Variants in MGAT4C observed in about 807,000 individuals in gnomAD.
The protein encoded by MGAT4C is MGAT4 family member C, also known as alpha-1,3-mannosyl-glycoprotein 4-beta-N-acetylglucosaminyltransferase C.
A neutral mutation model predicts 40.1 loss-of-function variants in MGAT4C; 19 were observed. That is an observed-to-expected ratio of 0.47 (90% confidence interval 0.33 to 0.70). The LOEUF is 0.70. MGAT4C is among the 30% of genes least tolerant of loss of function. The pLI is 0.02. For missense variants in MGAT4C, 491 were observed against 563.2 expected, an observed-to-expected ratio of 0.87 and a Z score of 1.30; for synonymous variants, 181 against 187.1, an observed-to-expected ratio of 0.97 and a Z score of 0.27.
intron 2 of MGAT4C, among the ~76,000 whole-genome samples, chr12:86,563,014 C>A (rs1959940599): frequency 6.6e-6 from 1 of 152,044 alleles, no homozygotes; most frequent in South Asian, 2.1e-4. Flanking sequence ...GGGAGGGATC[C>A]AAAGGCTTAG....
chr12:86,651,652 C>G (rs1963701632), intron 2 of MGAT4C, among the ~76,000 whole-genome samples: 1 of 151,726 alleles, frequency 6.6e-6, no homozygotes, highest in African/African-American at 2.4e-5. Flanking sequence ...TGAAAATAGC[C>G]CATAAATGAA....
intron 2 of MGAT4C, among the ~76,000 whole-genome samples, chr12:86,510,416 G>A (rs1008528206): frequency 1.3e-5 from 2 of 152,162 alleles, no homozygotes; most frequent in Non-Finnish European, 2.9e-5. Flanking sequence ...TCGAGGCTAG[G>A]AAGAAACTGC....
intron 3 of MGAT4C, 63 bp downstream of exon 3, chr12:85,989,337 G>A (rs1459519940): frequency 4.2e-6 from 6 of 1,426,406 alleles, no homozygotes; most frequent in Non-Finnish European, 5.6e-6. Flanking sequence ...GCTACAATGG[G>A]ACTAATTCTT....
At chr12:86,006,907 T>C (rs1887944388) in intron 2 of MGAT4C, among the ~76,000 whole-genome samples, 2 of 152,148 alleles carry the variant, frequency 1.3e-5, no homozygotes, top group African/African-American at 4.8e-5. Context: ...TGTCCCCTAC[T>C]ACAAAACCCA....
At chr12:86,527,878 G>A (rs1430069318) in intron 2 of MGAT4C, among the ~76,000 whole-genome samples, 1 of 152,130 alleles carries the variant, frequency 6.6e-6, no homozygotes, top group Admixed American at 6.5e-5. Context: ...TAGCTAAAAA[G>A]TGGACTTCAT....
intron 2 of MGAT4C, among the ~76,000 whole-genome samples, chr12:86,029,856 A>G (rs1347454132): frequency 6.6e-6 from 1 of 151,858 alleles, no homozygotes; most frequent in Non-Finnish European, 1.5e-5. Flanking sequence ...ATTATTACAG[A>G]GGAGAAAGTG....
chr12:86,773,219 C>T (rs1029299712), intron 1 of MGAT4C, among the ~76,000 whole-genome samples: 2 of 152,032 alleles, frequency 1.3e-5, no homozygotes, highest in African/African-American at 4.8e-5. Context: ...AAAATGAGCT[C>T]ATTAAAGTAG....
chr12:86,611,158 A>G (rs529067871), intron 2 of MGAT4C, among the ~76,000 whole-genome samples: 1 of 152,234 alleles, frequency 6.6e-6, no homozygotes, highest in Admixed American at 6.5e-5. Flanking sequence ...ATACATTTCC[A>G]TGGCTGCCAA....
At chr12:86,768,643 C>G (rs554533888) in intron 1 of MGAT4C, among the ~76,000 whole-genome samples, 4 of 151,960 alleles carry the variant, frequency 2.6e-5, no homozygotes, top group Admixed American at 2.0e-4. Context: ...GTAACCAAAA[C>G]AGCATGGTAC....
At chr12:86,663,457 C>A (rs1565911560) in intron 2 of MGAT4C, among the ~76,000 whole-genome samples, 1 of 148,852 alleles carries the variant, frequency 6.7e-6, no homozygotes, top group Non-Finnish European at 1.5e-5. Context: ...GTAACTCAAA[C>A]ATGACAGTGC....
At chr12:86,133,487 A>T (rs1273850068) in intron 1 of MGAT4C, among the ~76,000 whole-genome samples, 1 of 152,232 alleles carries the variant, frequency 6.6e-6, no homozygotes, top group Non-Finnish European at 1.5e-5. Flanking sequence ...TTTAAAATGT[A>T]CAATAAAAGA....
intron 1 of MGAT4C, among the ~76,000 whole-genome samples, chr12:86,800,587 G>A (rs1952207456): frequency 6.6e-6 from 1 of 151,884 alleles, no homozygotes; most frequent in Non-Finnish European, 1.5e-5. Flanking sequence ...ATCAGAGGGA[G>A]TAAACCAGAG....
In MGAT4C at chr12:86,439,507, T is replaced by C. The variant is rs545645525; in HGVS notation, c.-228-4242A>G. Among the ~76,000 whole-genome samples the C allele has an allele frequency of 2.0e-5, 3 of 152,058 alleles. No individual in the cohort carries two copies. In the South Asian group the frequency reaches 6.2e-4, roughly 31 times the overall value. ...TAAGAGGAAAGTCTATAGCACTAAA[T>C]ACCTACATCAAAAAGTCTGAAAGAT... On this transcript the variant is annotated intron_variant, in intron 2 of 7. Transcript: ENST00000548651.
intron 2 of MGAT4C, among the ~76,000 whole-genome samples, chr12:86,033,872 T>C (rs1890982150): frequency 6.7e-6 from 1 of 149,806 alleles, no homozygotes; most frequent in Non-Finnish European, 1.5e-5. Flanking sequence ...ATTATGATGT[T>C]GGCTGTGGGC....
At chr12:86,047,697 CT>C (rs1892529501) in intron 2 of MGAT4C, among the ~76,000 whole-genome samples, 1 of 151,992 alleles carries the variant, frequency 6.6e-6, no homozygotes, top group South Asian at 2.1e-4. Flanking sequence ...TTCCTGAGTG[CT>C]GCCTGGAGAA....
intron 2 of MGAT4C, among the ~76,000 whole-genome samples, chr12:86,606,561 A>G (rs1962053487): frequency 6.6e-6 from 1 of 152,130 alleles, no homozygotes. Context: ...TAGAGCAGAG[A>G]ATAAGCAGCT....
At chr12:86,013,403 G>A (rs1259586872) in intron 2 of MGAT4C, among the ~76,000 whole-genome samples, 1 of 151,824 alleles carries the variant, frequency 6.6e-6, no homozygotes, top group Non-Finnish European at 1.5e-5. Flanking sequence ...CACCACGCCC[G>A]GCTAATTTCT....
At chr12:86,130,822 C>T (rs1300529611) in intron 1 of MGAT4C, among the ~76,000 whole-genome samples, 2 of 151,936 alleles carry the variant, frequency 1.3e-5, no homozygotes, top group Non-Finnish European at 2.9e-5. Flanking sequence ...TACCACTGAG[C>T]TAAAACCATA....
rs907926834 is a variant in MGAT4C, at chr12:85,960,074, C to A, written c.*19215G>T. Reference sequence around the variant, plus strand: ...TTGCACGGACTACATTGATTAGAGTCTAATTTTTGGAAAGTATACTTCGCC... The same window carrying A: ...TTGCACGGACTACATTGATTAGAGTATAATTTTTGGAAAGTATACTTCGCC... On this transcript the variant is annotated 3_prime_UTR_variant, in exon 5 of 5. Transcript: ENST00000611864. The A allele has an allele frequency of 1.3e-5, 2 of 151,916 alleles. No homozygotes were observed. Among genetic ancestry groups the A allele is most frequent in the Non-Finnish European group, 2.9e-5 (2 of 67,902 alleles). The allele number at this position is 151,916 out of a possible 1,614,324, so 9.4% of individuals were successfully genotyped here.
Sources: allele counts gnomAD v4.1 joint callset (sites outside exome capture counted in the v4.1 genomes callset), GRCh38; gene constraint gnomAD v4.1.1; transcripts MANE v1.5; gene names NCBI Gene and HGNC (gene_info 2026-07-23, HGNC 2026-07-21).